Variants in PFKFB3 observed in about 807,000 individuals in gnomAD.
PFKFB3 encodes the protein 6-phosphofructo-2-kinase/fructose-2,6-biphosphatase 3, also known as 6-phosphofructo-2-kinase/fructose-2,6-bisphosphatase 3.
In PFKFB3, 33 loss-of-function variants were observed where a neutral mutation model predicts 68.0. The ratio of observed to expected loss-of-function variants is 0.49; its 90% CI spans 0.37 to 0.65. The LOEUF (loss-of-function observed/expected upper bound fraction) is 0.65, where lower values mean the gene tolerates loss of function less well. PFKFB3 is among the 30% of genes least tolerant of loss of function. The probability of loss-of-function intolerance (pLI) is 0.00; values close to 1 mark genes in which losing one functional copy is unlikely to be tolerated. For synonymous variants in PFKFB3, 315 were observed against 288.2 expected, an observed-to-expected ratio of 1.09 and a Z score of -0.94; for missense variants, 586 against 712.2, an observed-to-expected ratio of 0.82 and a Z score of 2.02.
At position 6,229,979 on chromosome 10, in the gene PFKFB3, A is replaced by G. The variant is rs1845631785; in HGVS notation, c.1516-2916A>G. Among the ~76,000 whole-genome samples, 1 of 151,998 alleles carries G rather than the reference A, an allele frequency of 6.6e-6. No individual in the cohort carries two copies. Among genetic ancestry groups the G allele is most frequent in the Non-Finnish European group, 1.5e-5 (1 of 67,944 alleles). On this transcript the variant is annotated intron_variant, in intron 14 of 14. Coordinates refer to ENST00000379775, the MANE Select transcript of PFKFB3 (RefSeq NM_004566.4). The surrounding 1 kb of genome is among the most constrained non-coding windows in gnomAD (Gnocchi z 4.3). ...TGTGTGGCCCGCCTCTCAGTGGGCT[A>G]TGGACTGGGTACTGGTCCACAGCCC... is the stretch of plus-strand genomic sequence containing the variant.
chr10:6,268,619 C>T, the PFKFB3 span, among the ~76,000 whole-genome samples: 33,758 of 151,132 alleles, frequency 0.22, 3,880 homozygotes, highest in Admixed American at 0.23. Context: ...AATGATACTC[C>T]GTCTCCAAAT....
At chr10:6,302,416 C>T in the PFKFB3 span, among the ~76,000 whole-genome samples, 72 of 99,738 alleles carry the variant, frequency 7.2e-4, no homozygotes, top group African/African-American at 2.4e-3. Flanking sequence ...GAGTCTTGTT[C>T]TGTTGCCCAG....
intron 1 of PFKFB3, among the ~76,000 whole-genome samples, chr10:6,192,546 C>T (rs1265370282): frequency 6.6e-6 from 1 of 152,094 alleles, no homozygotes; most frequent in Non-Finnish European, 1.5e-5. Flanking sequence ...CTGGCCCCTG[C>T]GGGTCACCCG....
At chr10:6,197,195 T>G (rs1158740894) in intron 1 of PFKFB3, among the ~76,000 whole-genome samples, 1 of 152,122 alleles carries the variant, frequency 6.6e-6, no homozygotes, top group Non-Finnish European at 1.5e-5. Flanking sequence ...CAGGCTGGTC[T>G]CGAACTCCTG....
downstream of PFKFB3, among the ~76,000 whole-genome samples, chr10:6,256,196 G>A (rs570442492): frequency 3.9e-5 from 6 of 152,286 alleles, no homozygotes; most frequent in East Asian, 9.6e-4. Flanking sequence ...CATCCAGACT[G>A]GTACTTTTCT....
intron 1 of PFKFB3, among the ~76,000 whole-genome samples, chr10:6,161,446 G>A (rs1015223407): frequency 6.6e-6 from 1 of 152,024 alleles, no homozygotes; most frequent in Admixed American, 6.6e-5. Context: ...CACAAAGTGT[G>A]AATAAAATAT....
intron 1 of PFKFB3, among the ~76,000 whole-genome samples, chr10:6,164,236 C>T (rs1426186363): frequency 2.6e-5 from 4 of 152,322 alleles, no homozygotes; most frequent in African/African-American, 7.2e-5. Flanking sequence ...CGCCAGTGAG[C>T]ACCCGGGGAC....
chr10:6,146,135 G>GGT, intron 1 of PFKFB3: 1 of 697,644 alleles, frequency 1.4e-6, no homozygotes, highest in Non-Finnish European at 1.8e-6. Context: ...GAGGACTGGG[G>GGT]GTGTGTGTGG....
At chr10:6,294,358 G>A in the PFKFB3 span, 2 of 353,506 alleles carry the variant, frequency 5.7e-6, no homozygotes, top group Non-Finnish European at 1.1e-5. Flanking sequence ...AGTTCCACAT[G>A]GCTGGAGAGG....
chr10:6,233,135 G>A lies in PFKFB3; in HGVS notation c.*193G>A, dbSNP rs548899943. The A allele has an allele frequency of 1.9e-4, 110 of 566,308 alleles. No homozygotes were observed. Among genetic ancestry groups the A allele is most frequent in the African/African-American group, 1.5e-3 (82 of 53,244 alleles). The allele number at this position is 566,308 out of a possible 1,614,324, so 35.1% of individuals were successfully genotyped here. ...CGGCCGCTGGACACCAGAAAGCCACGTGGGTCCCTGGCGCCCTGCCTTTAG... is the reference window on the plus strand; with the variant it reads ...CGGCCGCTGGACACCAGAAAGCCACATGGGTCCCTGGCGCCCTGCCTTTAG... On this transcript the variant is annotated 3_prime_UTR_variant, in exon 15 of 15. Transcript: ENST00000379775.
chr10:6,236,296 G>A (rs951689023), downstream of PFKFB3, among the ~76,000 whole-genome samples: 2 of 152,198 alleles, frequency 1.3e-5, no homozygotes, highest in African/African-American at 4.8e-5. Context: ...TTCACTTCCA[G>A]CCTCAGCGTC....
At chr10:6,262,661 A>T in the PFKFB3 span, among the ~76,000 whole-genome samples, 1 of 152,166 alleles carries the variant, frequency 6.6e-6, no homozygotes, top group Non-Finnish European at 1.5e-5. Context: ...ATTTCAAGGG[A>T]GAGAATCTAA....
At chr10:6,225,319 G>A (rs948998860) in intron 13 of PFKFB3, 15 of 412,484 alleles carry the variant, frequency 3.6e-5, no homozygotes, top group East Asian at 7.4e-5. Context: ...CGCCCCAGTC[G>A]CTGGCAGTTG....
chr10:6,284,001 TTCC>T, the PFKFB3 span, among the ~76,000 whole-genome samples: 1 of 152,166 alleles, frequency 6.6e-6, no homozygotes, highest in Non-Finnish European at 1.5e-5. Context: ...AGCAGAGAGC[TTCC>T]TCCTCTCTCC....
chr10:6,231,840 C>T (rs1161655228), intron 14 of PFKFB3, among the ~76,000 whole-genome samples: 14 of 151,164 alleles, frequency 9.3e-5, no homozygotes, highest in South Asian at 2.1e-4. Flanking sequence ...CATCACCTCC[C>T]GGTGGGCACC....
intron 6 of PFKFB3, among the ~76,000 whole-genome samples, chr10:6,218,457 C>A (rs1400761760): frequency 6.7e-6 from 1 of 149,792 alleles, no homozygotes; most frequent in African/African-American, 2.5e-5. Flanking sequence ...GAAACGGACT[C>A]TCCTTCTGTT....
chr10:6,316,147 T>G, the PFKFB3 span, among the ~76,000 whole-genome samples: 11 of 152,084 alleles, frequency 7.2e-5, no homozygotes, highest in South Asian at 1.0e-3. Flanking sequence ...GTTCATGAGG[T>G]GGACTGTGAT....
chr10:6,209,984 C>T (rs1844059552), intron 1 of PFKFB3, among the ~76,000 whole-genome samples: 1 of 150,498 alleles, frequency 6.6e-6, no homozygotes, highest in African/African-American at 2.4e-5. Context: ...GATCTCCTGA[C>T]CTTGTGATCC....
At chr10:6,319,334 A>G in the PFKFB3 span, among the ~76,000 whole-genome samples, 1 of 152,274 alleles carries the variant, frequency 6.6e-6, no homozygotes, top group Non-Finnish European at 1.5e-5. Flanking sequence ...TCAGCCATGA[A>G]AAAGGATCAT....
Sources: gnomAD v4.1 joint callset for allele counts (sites outside exome capture counted in the v4.1 genomes callset) on GRCh38, gnomAD v4.1.1 for gene constraint, Gnocchi (gnomAD v3.1) non-coding constraint, MANE v1.5 for transcripts, NCBI Gene and HGNC (gene_info 2026-07-23, HGNC 2026-07-21) for gene names.